The following LINGO2 variants were observed in gnomAD, a reference collection of about 807,000 sequenced individuals.
LINGO2 encodes the protein leucine rich repeat and Ig domain containing 2.
In LINGO2, 14 loss-of-function variants were observed where a neutral mutation model predicts 30.6. The ratio of observed to expected loss-of-function variants is 0.46; its 90% CI spans 0.30 to 0.72. LINGO2 has a LOEUF of 0.72. Among genes scored for constraint, LINGO2 ranks in the 30% least tolerant of loss-of-function variants. The probability of loss-of-function intolerance (pLI) is 0.07; values close to 1 mark genes in which losing one functional copy is unlikely to be tolerated. For synonymous variants in LINGO2, 317 were observed against 288.5 expected, an observed-to-expected ratio of 1.10 and a Z score of -1.00; for missense variants, 729 against 751.7, an observed-to-expected ratio of 0.97 and a Z score of 0.35.
At chr9:28,929,426 C>G in the LINGO2 span, among the ~76,000 whole-genome samples, 2 of 152,160 alleles carry the variant, frequency 1.3e-5, no homozygotes, top group East Asian at 3.9e-4. Flanking sequence ...TTCAACTGGG[C>G]TGAGGAGAGA....
intron 3 of LINGO2, among the ~76,000 whole-genome samples, chr9:28,351,366 A>G (rs1196007045): frequency 4.7e-5 from 7 of 148,426 alleles, no homozygotes; most frequent in Non-Finnish European, 1.1e-4. Context: ...AGAATACTAC[A>G]AACACCTCTA....
At chr9:28,032,692 T>C (rs571938399) in intron 4 of LINGO2, among the ~76,000 whole-genome samples, 1 of 152,302 alleles carries the variant, frequency 6.6e-6, no homozygotes, top group Non-Finnish European at 1.5e-5. Context: ...ACCAGGAATC[T>C]TGGAATGAAA....
rs1554690875 is a variant in LINGO2 at position 28,233,030 on chromosome 9, TTATATATA to T, written c.-87+62170_-87+62177del. 6.4e-4 allele frequency among the ~76,000 whole-genome samples: 50 copies of T among 77,680 alleles called. 1 individual carries two copies. The highest frequency in any genetic ancestry group is 9.4e-4 in the Non-Finnish European group (42 of 44,544). The allele number at this position is 77,680 out of a possible 152,430, so 51.0% of individuals were successfully genotyped here. ...CTTCTCATGAGAGAGACAGTAAACA[TTATATATA>T]TATATATATATATATATATATATTA... On this transcript the variant is annotated intron_variant, in intron 4 of 5. Transcript: ENST00000379992.
At chr9:28,181,183 GC>G (rs1346574090) in intron 4 of LINGO2, among the ~76,000 whole-genome samples, 1 of 152,160 alleles carries the variant, frequency 6.6e-6, no homozygotes. Context: ...ATCACGTGCA[GC>G]TCTTACCACC....
At chr9:28,729,888 C>G in the LINGO2 span, among the ~76,000 whole-genome samples, 1 of 151,768 alleles carries the variant, frequency 6.6e-6, no homozygotes, top group Non-Finnish European at 1.5e-5. Flanking sequence ...CAAAAGTATA[C>G]TTTTGTGAAA....
intron 1 of LINGO2, among the ~76,000 whole-genome samples, chr9:28,654,132 T>A (rs1421092247): frequency 6.6e-6 from 1 of 152,148 alleles, no homozygotes; most frequent in Admixed American, 6.6e-5. Flanking sequence ...CCAAATTATG[T>A]TCACAAATTG....
intron 4 of LINGO2, among the ~76,000 whole-genome samples, chr9:28,081,290 C>CAAAA (rs79994366): frequency 7.7e-6 from 1 of 129,534 alleles, no homozygotes. Context: ...ATTCAATACT[C>CAAAA]AAAAAAAAAA....
At chr9:29,004,548 T>C in the LINGO2 span, among the ~76,000 whole-genome samples, 4 of 151,960 alleles carry the variant, frequency 2.6e-5, no homozygotes, top group African/African-American at 7.2e-5. Context: ...CTCTGTCAGA[T>C]AGGCACAACT....
Position 28,301,363 on chromosome 9 carries a change from TAA to T in LINGO2, c.-245-5999_-245-5998del, listed in dbSNP as rs61526992. Among the ~76,000 whole-genome samples the T allele has an allele frequency of 4.3e-5, 6 of 139,436 alleles. No homozygotes were observed. The South Asian group carries it at 1.2e-3, about 28-fold the overall frequency. The allele number at this position is 139,436 out of a possible 152,430, so 91.5% of individuals were successfully genotyped here. Reference sequence around the variant, plus strand: ...GCCTTTGGCAAAATCCATGACAAGTTAAAAAAAAAAAAACAAAAAAAACAGAA... The same window carrying T: ...GCCTTTGGCAAAATCCATGACAAGTTAAAAAAAAAAACAAAAAAAACAGAA... On this transcript the variant is annotated intron_variant, in intron 3 of 5. Transcript: ENST00000379992.
chr9:28,483,281 G>A (rs1400160489), intron 1 of LINGO2, among the ~76,000 whole-genome samples: 1 of 152,038 alleles, frequency 6.6e-6, no homozygotes, highest in Non-Finnish European at 1.5e-5. Context: ...CTGATAAAGT[G>A]TTTATTTTGT....
At chr9:28,346,474 T>C (rs1380768733) in intron 3 of LINGO2, among the ~76,000 whole-genome samples, 1 of 152,174 alleles carries the variant, frequency 6.6e-6, no homozygotes, top group Non-Finnish European at 1.5e-5. Context: ...GTCTTTGCTA[T>C]TGTGAATAGT....
chr9:28,052,380 T>G (rs1020290054), intron 4 of LINGO2, among the ~76,000 whole-genome samples: 3 of 152,104 alleles, frequency 2.0e-5, no homozygotes, highest in Admixed American at 2.0e-4. Flanking sequence ...CGAAGCACAT[T>G]GCTCACACCT....
the LINGO2 span, among the ~76,000 whole-genome samples, chr9:28,676,374 T>C: frequency 6.6e-6 from 1 of 152,072 alleles, no homozygotes; most frequent in African/African-American, 2.4e-5. Flanking sequence ...AACAAACATT[T>C]TTCCAACTTA....
intron 4 of LINGO2, among the ~76,000 whole-genome samples, chr9:28,098,170 TG>T (rs1247257333): frequency 6.6e-6 from 1 of 152,086 alleles, no homozygotes; most frequent in Non-Finnish European, 1.5e-5. Flanking sequence ...CTGGGTGTGG[TG>T]GCATCCACCT....
chr9:29,029,158 C>T, the LINGO2 span, among the ~76,000 whole-genome samples: 2 of 152,070 alleles, frequency 1.3e-5, no homozygotes, highest in African/African-American at 4.8e-5. Context: ...ACAGTTTTAT[C>T]CATCTTTGAA....
chr9:28,052,462 GTT>G (rs1017384653), intron 4 of LINGO2, among the ~76,000 whole-genome samples: 1 of 152,014 alleles, frequency 6.6e-6, no homozygotes, highest in Non-Finnish European at 1.5e-5. Context: ...GGGACTTCTG[GTT>G]TTCACTATTG....
chr9:28,480,445 T>C lies in LINGO2; in HGVS notation c.-364-4420A>G, dbSNP rs73439327. On this transcript the variant is annotated intron_variant, in intron 1 of 5. Coordinates refer to ENST00000379992, the Ensembl canonical transcript of LINGO2. ...GATGGGAACAGGCTCAAGGAATCCATGGCAGAAGACACAAACATGGAAGTA... is the reference window on the plus strand; with the variant it reads ...GATGGGAACAGGCTCAAGGAATCCACGGCAGAAGACACAAACATGGAAGTA... 1.1e-3 allele frequency among the ~76,000 whole-genome samples: 172 copies of C among 152,154 alleles called. 1 individual carries two copies. Among genetic ancestry groups the C allele is most frequent in the African/African-American group, 3.8e-3 (158 of 41,570 alleles).
chr9:28,325,962 A>C (rs534852585), intron 3 of LINGO2, among the ~76,000 whole-genome samples: 1 of 152,264 alleles, frequency 6.6e-6, no homozygotes, highest in East Asian at 1.9e-4. Flanking sequence ...TTGCCTGTTT[A>C]AGTCTGTCCA....
chr9:27,947,932 G>A (rs994135812), downstream of LINGO2: 29 of 152,140 alleles, frequency 1.9e-4, no homozygotes, highest in African/African-American at 7.0e-4. Flanking sequence ...ATCAAGGAGT[G>A]ATTAAATGAA....
Sources: gnomAD v4.1 joint callset for allele counts (sites outside exome capture counted in the v4.1 genomes callset) on GRCh38, gnomAD v4.1.1 for gene constraint, MANE v1.5 for transcripts, NCBI Gene and HGNC (gene_info 2026-07-23, HGNC 2026-07-21) for gene names.